Variants in INPP4A observed in about 807,000 individuals in gnomAD.
INPP4A encodes inositol polyphosphate-4-phosphatase, type I, 107kD.
A neutral mutation model predicts 119.8 loss-of-function variants in INPP4A; 33 were observed. The ratio of observed to expected loss-of-function variants is 0.28; its 90% CI spans 0.21 to 0.37. The LOEUF (loss-of-function observed/expected upper bound fraction) is 0.37. INPP4A is among the 10% of genes least tolerant of loss of function. The pLI is 1.00. For synonymous variants in INPP4A, 496 were observed against 500.7 expected, an observed-to-expected ratio of 0.99 and a Z score of 0.12; for missense variants, 956 against 1,289.9, an observed-to-expected ratio of 0.74 and a Z score of 3.97.
intron 7 of INPP4A, 52 bp downstream of exon 7, chr2:98,536,260 G>T (rs761674460): frequency 1.8e-6 from 2 of 1,127,118 alleles, no homozygotes; most frequent in African/African-American, 1.5e-5. Context: ...TGAGGTCCAG[G>T]GACAGATGGG....
At position 98,587,876 on chromosome 2, in the gene INPP4A, A is replaced by G; in HGVS notation, c.*268A>G. ...TTAAATAGCCTTTGGCTGTAACTACACAGATCTCATCAATAGTTACCTACA... is the reference window on the plus strand; with the variant it reads ...TTAAATAGCCTTTGGCTGTAACTACGCAGATCTCATCAATAGTTACCTACA... On this transcript the variant is annotated 3_prime_UTR_variant, in exon 25 of 25. Transcript: ENST00000409851. 1 of 319,918 alleles carries G rather than the reference A, an allele frequency of 3.1e-6. No homozygotes were observed. Among genetic ancestry groups the G allele is most frequent in the Non-Finnish European group, 5.7e-6 (1 of 175,500 alleles). 19.8% of individuals were successfully genotyped at this position (319,918 alleles called of 1,614,324 possible).
chr2:98,450,139 T>G (rs1694966975), intron 1 of INPP4A, among the ~76,000 whole-genome samples: 1 of 152,154 alleles, frequency 6.6e-6, no homozygotes, highest in African/African-American at 2.4e-5. Context: ...GAACCCAAGC[T>G]TTTCTGAGTA....
In INPP4A at chr2:98,593,992, C is replaced by G. The variant is rs976622474; in HGVS notation, c.*6384C>G. ...GCATGTCCTGTCCACTGTCAGTCCC[C>G]TCTGTATTCACAAGAGCAAGTGTAA... On this transcript the variant is annotated 3_prime_UTR_variant, in exon 25 of 25. Coordinates refer to ENST00000409851, the MANE Select transcript of INPP4A (RefSeq NM_001134225.2). The G allele has an allele frequency of 3.9e-5, 6 of 152,162 alleles. No homozygotes were observed. Among genetic ancestry groups the G allele is most frequent in the African/African-American group, 1.4e-4 (6 of 41,444 alleles). The allele number at this position is 152,162 out of a possible 1,614,324, so 9.4% of individuals were successfully genotyped here.
intron 1 of INPP4A, among the ~76,000 whole-genome samples, chr2:98,493,497 G>A (rs551254650): frequency 6.9e-6 from 1 of 144,472 alleles, no homozygotes; most frequent in South Asian, 2.2e-4. Flanking sequence ...TCCCAGGCTC[G>A]AGATCCACTC....
At chr2:98,532,508 G>A (rs532751710) in intron 4 of INPP4A, among the ~76,000 whole-genome samples, 5 of 152,276 alleles carry the variant, frequency 3.3e-5, no homozygotes, top group South Asian at 2.1e-4. Flanking sequence ...GTGGGGCTAC[G>A]TTCTGTCAAA....
chr2:98,567,708 A>G (rs1300053489), intron 21 of INPP4A, among the ~76,000 whole-genome samples: 1 of 152,150 alleles, frequency 6.6e-6, no homozygotes, highest in Non-Finnish European at 1.5e-5. Context: ...CCCTGAGGTC[A>G]CTGGTGAGCT....
chr2:98,583,375 T>C (rs757275085), intron 24 of INPP4A, among the ~76,000 whole-genome samples: 44 of 152,090 alleles, frequency 2.9e-4, no homozygotes, highest in Non-Finnish European at 5.1e-4. Context: ...TGGATGGAGC[T>C]GAGAGAGCAG....
rs777569431 is a variant in INPP4A at position 98,552,767 on chromosome 2, C to T, written c.1164-19C>T. Reference sequence around the variant, plus strand: ...CAGATTCTGGAGAATCCCTTAGAATCCATTCTTATCCTTTCCAGTACATCA... The same window carrying T: ...CAGATTCTGGAGAATCCCTTAGAATTCATTCTTATCCTTTCCAGTACATCA... On this transcript the variant is annotated intron_variant, in intron 13 of 24. Transcript: ENST00000409851. The T allele has an allele frequency of 1.3e-6, 2 of 1,588,568 alleles. No individual in the cohort carries two copies. The highest frequency in any genetic ancestry group is 1.7e-6 in the Non-Finnish European group (2 of 1,157,150).
intron 11 of INPP4A, among the ~76,000 whole-genome samples, chr2:98,545,128 G>A (rs1011052329): frequency 5.3e-5 from 8 of 152,284 alleles, no homozygotes; most frequent in Non-Finnish European, 1.2e-4. Context: ...TGCACCCTAC[G>A]TATCAGGCCA....
At position 98,563,482 on chromosome 2, in the gene INPP4A, C is replaced by G. The variant is rs570871529; in HGVS notation, c.1873C>G (p.Leu625Val). ...ESSPGEWSEALYPLLTTLTDC... is the reference protein window; with the variant it reads ...ESSPGEWSEAVYPLLTTLTDC... Reference sequence around the variant, plus strand: ...TGCCCCAGGTGAATGGAGTGAGGCCCTTTACCCGCTGCTGACCACTCTCAC... The same window carrying G: ...TGCCCCAGGTGAATGGAGTGAGGCCGTTTACCCGCTGCTGACCACTCTCAC... Residue 625 changes from leucine (L) to valine (V), a missense_variant, in exon 18 of 25, where the codon CTT becomes GTT. By Grantham distance (32) the Leu-to-Val change is conservative. Coordinates refer to ENST00000409851, the MANE Select transcript of INPP4A (RefSeq NM_001134225.2). The G allele has an allele frequency of 1.2e-6, 2 of 1,613,012 alleles. No homozygotes were observed. Among genetic ancestry groups the G allele is most frequent in the African/African-American group, 1.3e-5 (1 of 75,010 alleles).
chr2:98,457,851 T>A (rs1010311400), intron 1 of INPP4A, among the ~76,000 whole-genome samples: 1 of 152,060 alleles, frequency 6.6e-6, no homozygotes, highest in African/African-American at 2.4e-5. Context: ...GCCCAGGCTA[T>A]AGTGTAGTAG....
intron 1 of INPP4A, among the ~76,000 whole-genome samples, chr2:98,472,882 G>T (rs1270186140): frequency 6.6e-6 from 1 of 152,220 alleles, no homozygotes; most frequent in African/African-American, 2.4e-5. Flanking sequence ...CTTTCCTGCT[G>T]CCCTGAGCTG....
intron 4 of INPP4A, among the ~76,000 whole-genome samples, chr2:98,523,392 G>GTT (rs1553490028): frequency 6.7e-6 from 1 of 148,950 alleles, no homozygotes; most frequent in Non-Finnish European, 1.5e-5. Flanking sequence ...TTTTGTTTTT[G>GTT]TTTTTTTGTT....
chr2:98,536,282 C>T, intron 7 of INPP4A, 74 bp downstream of exon 7: 1 of 878,380 alleles, frequency 1.1e-6, no homozygotes, highest in Non-Finnish European at 1.9e-6. Flanking sequence ...AAAGGACCCA[C>T]TTCTTATACT....
intron 1 of INPP4A, among the ~76,000 whole-genome samples, chr2:98,491,301 T>C (rs201730066): frequency 2.0e-5 from 3 of 152,332 alleles, no homozygotes; most frequent in East Asian, 3.9e-4. Context: ...GAGGGTCTCA[T>C]GAGCAGCCAT....
intron 5 of INPP4A, among the ~76,000 whole-genome samples, chr2:98,535,106 A>G (rs779502832): frequency 2.0e-5 from 3 of 152,206 alleles, no homozygotes; most frequent in Non-Finnish European, 4.4e-5. Flanking sequence ...GGCTGTGATA[A>G]TTACCTGGTG....
intron 1 of INPP4A, among the ~76,000 whole-genome samples, chr2:98,474,943 C>T (rs946850735): frequency 6.6e-6 from 1 of 152,082 alleles, no homozygotes; most frequent in African/African-American, 2.4e-5. Context: ...ATGACTTAGG[C>T]CCTTCTCCTA....
At chr2:98,580,353 T>C (rs1034387602) in intron 24 of INPP4A, among the ~76,000 whole-genome samples, 2 of 152,166 alleles carry the variant, frequency 1.3e-5, no homozygotes, top group Non-Finnish European at 2.9e-5. Context: ...CCACCAGCTC[T>C]CTCCCCAAAA....
intron 1 of INPP4A, among the ~76,000 whole-genome samples, chr2:98,512,588 C>G (rs1310146207): frequency 6.6e-6 from 1 of 152,174 alleles, no homozygotes. Context: ...GAGAGGAAAT[C>G]GGGCTAAACT....
Sources: gnomAD v4.1 joint callset for allele counts (sites outside exome capture counted in the v4.1 genomes callset) on GRCh38, gnomAD v4.1.1 for gene constraint, MANE v1.5 for transcripts, NCBI Gene and HGNC (gene_info 2026-07-23, HGNC 2026-07-21) for gene names.